RBPMS: variants seen among roughly 807,000 people sequenced by gnomAD.
The protein encoded by RBPMS is RNA binding protein, mRNA processing factor.
In RBPMS, 7 loss-of-function variants were observed where a neutral mutation model predicts 26.8. The observed-to-expected ratio is 0.26, with a 90% CI of 0.15 to 0.49. RBPMS has a LOEUF of 0.49. Ranked by LOEUF, RBPMS falls within the 20% of genes least tolerant of loss-of-function variation. RBPMS has a pLI of 0.98. For synonymous variants in RBPMS, 96 were observed against 93.3 expected, an observed-to-expected ratio of 1.03 and a Z score of -0.17; for missense variants, 186 against 250.0, an observed-to-expected ratio of 0.74 and a Z score of 1.73.
At chr8:30,485,203 C>G (rs1818656436) in intron 4 of RBPMS, among the ~76,000 whole-genome samples, 1 of 152,136 alleles carries the variant, frequency 6.6e-6, no homozygotes, top group South Asian at 2.1e-4. Flanking sequence ...ACAGCCTGTG[C>G]AAGTTAGGAC....
At chr8:30,418,628 G>C (rs979684834) in intron 1 of RBPMS, among the ~76,000 whole-genome samples, 2 of 152,042 alleles carry the variant, frequency 1.3e-5, no homozygotes, top group Non-Finnish European at 2.9e-5. Flanking sequence ...ACCCAGGCTG[G>C]AGTGCAGTGG....
chr8:30,469,685 C>T (rs1018843809), intron 1 of RBPMS, among the ~76,000 whole-genome samples: 3 of 152,212 alleles, frequency 2.0e-5, no homozygotes, highest in African/African-American at 7.2e-5. Context: ...AGGCATAGTG[C>T]CAGGCACATC....
At position 30,536,128 on chromosome 8, in the gene RBPMS, C is replaced by CTTT. The variant is rs11440225; in HGVS notation, c.398-8352_398-8350dup. ...TAGTTCAATAAGAGATCATCTCTCT[C>CTTT]TTTTTTTTTTTTTTTTGAGATGGAG... On this transcript the variant is annotated intron_variant, in intron 5 of 8. Transcript: ENST00000397323. Among the ~76,000 whole-genome samples, 16 of 138,194 alleles carry CTTT rather than the reference C, an allele frequency of 1.2e-4. 1 individual carries two copies. The highest frequency in any genetic ancestry group is 3.8e-3 in the Middle Eastern group (1 of 266). The allele number at this position is 138,194 out of a possible 152,430, so 90.7% of individuals were successfully genotyped here.
chr8:30,569,044 T>G (rs1408470819), intron 8 of RBPMS, among the ~76,000 whole-genome samples: 1 of 151,760 alleles, frequency 6.6e-6, no homozygotes, highest in Non-Finnish European at 1.5e-5. Context: ...GGAAGCTGCG[T>G]GGTTCATTAC....
chr8:30,514,912 A>T (rs1043496509), intron 5 of RBPMS, among the ~76,000 whole-genome samples: 1 of 152,074 alleles, frequency 6.6e-6, no homozygotes, highest in Non-Finnish European at 1.5e-5. Flanking sequence ...CTTCCAAATG[A>T]CCAATGTATT....
chr8:30,416,158 A>C (rs969467983), intron 1 of RBPMS, among the ~76,000 whole-genome samples: 15 of 152,138 alleles, frequency 9.9e-5, no homozygotes, highest in Non-Finnish European at 2.1e-4. Flanking sequence ...CCCTCTTGCC[A>C]GATAAACTAA....
At chr8:30,509,430 G>A (rs772819118) in intron 5 of RBPMS, among the ~76,000 whole-genome samples, 26 of 152,230 alleles carry the variant, frequency 1.7e-4, no homozygotes, top group Non-Finnish European at 3.4e-4. Context: ...CTGGAAGTGA[G>A]TTCTGTGTCT....
At chr8:30,449,480 C>T (rs973354116) in intron 1 of RBPMS, among the ~76,000 whole-genome samples, 3 of 151,854 alleles carry the variant, frequency 2.0e-5, no homozygotes, top group Non-Finnish European at 4.4e-5. Context: ...AGCAATTCCC[C>T]CTGCCTCAGC....
chr8:30,385,303 G>A, intron 1 of RBPMS, 145 bp downstream of exon 1: 1 of 504,314 alleles, frequency 2.0e-6, no homozygotes, highest in Non-Finnish European at 3.3e-6. Flanking sequence ...GGCCCGGGGA[G>A]GGTGGATCTC....
At chr8:30,419,800 T>G (rs1208115735) in intron 1 of RBPMS, among the ~76,000 whole-genome samples, 2 of 152,172 alleles carry the variant, frequency 1.3e-5, no homozygotes, top group Non-Finnish European at 2.9e-5. Flanking sequence ...TCCCAGTCAT[T>G]TCACATAAGG....
At chr8:30,505,642 C>A (rs908946436) in intron 5 of RBPMS, among the ~76,000 whole-genome samples, 22 of 152,190 alleles carry the variant, frequency 1.4e-4, no homozygotes, top group African/African-American at 4.6e-4. Context: ...ACAAAAGTTA[C>A]ATCTTACAGT....
intron 5 of RBPMS, among the ~76,000 whole-genome samples, chr8:30,540,156 G>A (rs1825232294): frequency 6.6e-6 from 1 of 152,124 alleles, no homozygotes; most frequent in African/African-American, 2.4e-5. Context: ...TGGGTGGAAG[G>A]AGTAAGTAAC....
chr8:30,454,491 T>C (rs1474233877), intron 1 of RBPMS, among the ~76,000 whole-genome samples: 1 of 152,344 alleles, frequency 6.6e-6, no homozygotes, highest in South Asian at 2.1e-4. Context: ...TTCTTAACAT[T>C]AAACTTGTGA....
intron 6 of RBPMS, among the ~76,000 whole-genome samples, chr8:30,550,575 G>A (rs1043170580): frequency 1.3e-5 from 2 of 152,202 alleles, no homozygotes; most frequent in African/African-American, 4.8e-5. Flanking sequence ...AACAGGGGCT[G>A]CTAGAGACCT....
At chr8:30,473,891 G>A (rs1817406021) in intron 1 of RBPMS, among the ~76,000 whole-genome samples, 1 of 152,094 alleles carries the variant, frequency 6.6e-6, no homozygotes, top group African/African-American at 2.4e-5. Flanking sequence ...GAAGGATGAG[G>A]GCACAGGGAC....
chr8:30,552,065 C>G (rs140766444), intron 6 of RBPMS, among the ~76,000 whole-genome samples: 112 of 152,246 alleles, frequency 7.4e-4, no homozygotes, highest in Middle Eastern at 3.4e-3. Context: ...GACTCCTGAC[C>G]AGCACCCTGA....
chr8:30,527,384 C>T (rs1371320216), intron 5 of RBPMS, among the ~76,000 whole-genome samples: 5 of 152,168 alleles, frequency 3.3e-5, no homozygotes, highest in Admixed American at 1.3e-4. Flanking sequence ...GGAGTTTGTT[C>T]TTTCCTCAAC....
At chr8:30,456,497 A>ATT (rs11394781) in intron 1 of RBPMS, among the ~76,000 whole-genome samples, 29 of 151,730 alleles carry the variant, frequency 1.9e-4, no homozygotes, top group South Asian at 1.0e-3. Flanking sequence ...CACTAAAAAG[A>ATT]TTTTTTTTTA....
chr8:30,477,725 A>T, intron 2 of RBPMS, 74 bp from the exon 3 acceptor site: 2 of 1,048,790 alleles, frequency 1.9e-6, no homozygotes, highest in South Asian at 2.7e-5. Flanking sequence ...ATCAATAAAG[A>T]ACTTATTTTT....
Sources: allele counts gnomAD v4.1 joint callset (sites outside exome capture counted in the v4.1 genomes callset), GRCh38; gene constraint gnomAD v4.1.1; transcripts MANE v1.5; gene names NCBI Gene and HGNC (gene_info 2026-07-23, HGNC 2026-07-21).